The following B3GALT5 variants were observed in gnomAD, a reference collection of about 807,000 sequenced individuals.
B3GALT5 encodes UDP-Gal:betaGlcNAc beta 1,3-galactosyltransferase, polypeptide 5.
For missense variants in B3GALT5, 328 were observed against 396.6 expected (o/e 0.83, Z 1.47); for synonymous variants, 156 against 158.6 (o/e 0.98, Z 0.12).
At chr21:39,640,129 T>C (rs1406621126) in intron 1 of B3GALT5, among the ~76,000 whole-genome samples, 1 of 151,778 alleles carries the variant, frequency 6.6e-6, no homozygotes, top group East Asian at 1.9e-4. Context: ...AAAGCGGAGG[T>C]CTGAGAAGGT....
At position 39,662,680 on chromosome 21, in the gene B3GALT5, G is replaced by A. The variant is rs948248977; in HGVS notation, c.*1188G>A. On this transcript the variant is annotated 3_prime_UTR_variant, in exon 4 of 4. Transcript: ENST00000684187. ...TCCGCTGCCTCCTACCCAGAGGTTT[G>A]TGCGAGCCTGTGTTGCAGGGTTGTA... The A allele has an allele frequency of 2.4e-5, 4 of 167,550 alleles. No homozygotes were observed. The highest frequency in any genetic ancestry group is 9.6e-5 in the African/African-American group (4 of 41,470). The allele number at this position is 167,550 out of a possible 1,614,324, so 10.4% of individuals were successfully genotyped here. A position where few individuals can be genotyped will look rare whatever the true frequency, so the allele number is the denominator to read the frequency against.
chr21:39,625,858 G>T (rs996476072), intron 1 of B3GALT5, among the ~76,000 whole-genome samples: 15 of 151,948 alleles, frequency 9.9e-5, no homozygotes, highest in African/African-American at 3.6e-4. Context: ...AGTTTTTTTG[G>T]GGGGGTATAA....
At chr21:39,654,931 G>T (rs969331180) in intron 2 of B3GALT5, among the ~76,000 whole-genome samples, 4 of 152,154 alleles carry the variant, frequency 2.6e-5, no homozygotes, top group Non-Finnish European at 5.9e-5. Flanking sequence ...AAATGCACTG[G>T]GAGATAAAAG....
intron 2 of B3GALT5, among the ~76,000 whole-genome samples, chr21:39,649,377 C>T (rs1302108037): frequency 6.6e-6 from 1 of 152,208 alleles, no homozygotes; most frequent in East Asian, 1.9e-4. Context: ...CCCACAGGCC[C>T]TTCCGGATTC....
intron 2 of B3GALT5, among the ~76,000 whole-genome samples, chr21:39,656,754 A>G (rs1182239533): frequency 6.6e-6 from 1 of 152,162 alleles, no homozygotes; most frequent in African/African-American, 2.4e-5. Context: ...GCCTGGGGAG[A>G]GTCCCAGGAC....
At chr21:39,639,422 T>TTC (rs1384713685) in intron 1 of B3GALT5, among the ~76,000 whole-genome samples, 1 of 119,012 alleles carries the variant, frequency 8.4e-6, no homozygotes, top group Admixed American at 8.4e-5. Flanking sequence ...CTTTCTTTCT[T>TTC]TCTTTCTTTC....
chr21:39,671,980 G>C lies in B3GALT5; in HGVS notation c.*10488G>C, dbSNP rs1378513050. 6.6e-6 allele frequency: 1 copy of C among 152,188 alleles called. No individual in the cohort carries two copies. The highest frequency in any genetic ancestry group is 1.5e-5 in the Non-Finnish European group (1 of 68,036). 9.4% of individuals were successfully genotyped at this position (152,188 alleles called of 1,614,324 possible). A position where few individuals can be genotyped will look rare whatever the true frequency, so the allele number is the denominator to read the frequency against. On this transcript the variant is annotated 3_prime_UTR_variant, in exon 4 of 4. Coordinates refer to ENST00000684187, the MANE Select transcript of B3GALT5 (RefSeq NM_001356336.2). The stretch of plus-strand genomic sequence containing the variant: ...CGGAAGACTGACAAACAAAAAATTA[G>C]TTTTTAATTAATTTAAAAAATGATC...
intron 1 of B3GALT5, among the ~76,000 whole-genome samples, chr21:39,642,634 G>A (rs1382989639): frequency 2.0e-5 from 3 of 152,188 alleles, no homozygotes; most frequent in South Asian, 2.1e-4. Context: ...TGTTTTTGAA[G>A]ACGTTAGAAA....
rs1240064696 is a variant in B3GALT5 at position 39,671,188 on chromosome 21, C to A, written c.*9696C>A. The A allele has an allele frequency of 6.6e-6, 1 of 152,246 alleles. No individual in the cohort carries two copies. The highest frequency in any genetic ancestry group is 1.5e-5 in the Non-Finnish European group (1 of 68,052). The allele number at this position is 152,246 out of a possible 1,614,324, so 9.4% of individuals were successfully genotyped here. A position where few individuals can be genotyped will look rare whatever the true frequency, so the allele number is the denominator to read the frequency against. On this transcript the variant is annotated 3_prime_UTR_variant, in exon 4 of 4. Transcript: ENST00000684187. ...AGTCACCTCTTAAAAGGTCCCACCTCTCAACGCTGTTGCACTGGGGATTAA... is the reference window on the plus strand; with the variant it reads ...AGTCACCTCTTAAAAGGTCCCACCTATCAACGCTGTTGCACTGGGGATTAA...
chr21:39,661,347 A>G lies in B3GALT5; in HGVS notation c.788A>G (p.Gln263Arg). ...ATCAGATTGGAGGAGCTCCACTCCC[A>G]GCCGACCTTTTTTCCAGGGGGCTTA... The part of the protein sequence containing the change: ...LNIRLEELHS[Q>R]PTFFPGGLRF... The change falls in exon 4 of 4, where the codon CAG (glutamine) becomes CGG (arginine). Residue 263 changes from glutamine (Q) to arginine (R), a missense_variant. By Grantham distance (43) the Gln-to-Arg change is conservative. Transcript: ENST00000684187. The surrounding 1 kb of genome is among the most constrained non-coding windows in gnomAD (Gnocchi z 4.7). The G allele has an allele frequency of 6.2e-7, 1 of 1,612,272 alleles. No homozygotes were observed. Among genetic ancestry groups the G allele is most frequent in the East Asian group, 2.2e-5 (1 of 44,864 alleles).
intron 2 of B3GALT5, among the ~76,000 whole-genome samples, chr21:39,656,094 C>T (rs2079441409): frequency 6.6e-6 from 1 of 152,110 alleles, no homozygotes; most frequent in African/African-American, 2.4e-5. Flanking sequence ...ATTCCTGGGC[C>T]CCAGACCTGC....
At chr21:39,637,928 C>T (rs980954502) in intron 1 of B3GALT5, among the ~76,000 whole-genome samples, 6 of 152,096 alleles carry the variant, frequency 3.9e-5, no homozygotes, top group East Asian at 3.9e-4. Flanking sequence ...CTGTTAGGGG[C>T]GGGGAGCAGG....
At chr21:39,630,915 T>C (rs929529624) in intron 1 of B3GALT5, among the ~76,000 whole-genome samples, 4 of 152,186 alleles carry the variant, frequency 2.6e-5, no homozygotes, top group Admixed American at 6.6e-5. Context: ...TAAAAATCGA[T>C]TGGGGGAAAA....
At chr21:39,643,972 T>G (rs1211321603) in intron 1 of B3GALT5, among the ~76,000 whole-genome samples, 1 of 152,146 alleles carries the variant, frequency 6.6e-6, no homozygotes, top group Non-Finnish European at 1.5e-5. Flanking sequence ...TCTCAATCAT[T>G]TCAGGAGGTT....
chr21:39,636,083 T>G (rs1291522678), intron 1 of B3GALT5, among the ~76,000 whole-genome samples: 2 of 152,190 alleles, frequency 1.3e-5, no homozygotes, highest in Admixed American at 1.3e-4. Flanking sequence ...CCACAGAAGT[T>G]AAGTACTGGA....
intron 1 of B3GALT5, among the ~76,000 whole-genome samples, chr21:39,642,301 AC>A (rs2079296101): frequency 6.6e-6 from 1 of 152,252 alleles, no homozygotes. Context: ...CAGTGTAATG[AC>A]TGCTATAAAG....
At chr21:39,614,434 A>C (rs989626085) in intron 1 of B3GALT5, among the ~76,000 whole-genome samples, 1 of 152,220 alleles carries the variant, frequency 6.6e-6, no homozygotes, top group African/African-American at 2.4e-5. Flanking sequence ...AATCGGAAAG[A>C]GATGTTTCAC....
intron 1 of B3GALT5, among the ~76,000 whole-genome samples, chr21:39,642,988 G>T (rs1225736221): frequency 6.6e-6 from 1 of 152,030 alleles, no homozygotes; most frequent in Non-Finnish European, 1.5e-5. Context: ...AGAGGTCAAG[G>T]CTGCAGTGAG....
In B3GALT5 at chr21:39,663,958, G is replaced by A. The variant is rs879465034; in HGVS notation, c.*2466G>A. ...GGGAATGGAGAGGTCCAGGTTGGCC[G>A]GGCCGGGGCTTCACCGCAGGCACCC... On this transcript the variant is annotated 3_prime_UTR_variant, in exon 4 of 4. Coordinates refer to ENST00000684187, the MANE Select transcript of B3GALT5 (RefSeq NM_001356336.2). 6.0e-4 allele frequency: 91 copies of A among 152,658 alleles called. No homozygotes were observed. Among genetic ancestry groups the A allele is most frequent in the African/African-American group, 6.5e-4 (27 of 41,576 alleles). The allele number at this position is 152,658 out of a possible 1,614,324, so 9.5% of individuals were successfully genotyped here.
Sources: gnomAD v4.1 joint callset for allele counts (sites outside exome capture counted in the v4.1 genomes callset) on GRCh38, gnomAD v4.1.1 for gene constraint, Gnocchi (gnomAD v3.1) non-coding constraint, MANE v1.5 for transcripts, NCBI Gene and HGNC (gene_info 2026-07-23, HGNC 2026-07-21) for gene names.